PPP1R7: variants seen among roughly 807,000 people sequenced by gnomAD.
PPP1R7 encodes protein phosphatase 1 regulatory subunit 22.
In PPP1R7, 18 loss-of-function variants were observed where a neutral mutation model predicts 45.2. The ratio of observed to expected loss-of-function variants is 0.40; its 90% CI spans 0.28 to 0.59. The LOEUF (loss-of-function observed/expected upper bound fraction) is 0.59. Ranked by LOEUF, PPP1R7 falls within the 20% of genes least tolerant of loss-of-function variation. The probability of loss-of-function intolerance (pLI) is 0.46; values close to 1 mark genes in which losing one functional copy is unlikely to be tolerated. For synonymous variants in PPP1R7, 181 were observed against 183.4 expected (o/e 0.99, Z 0.11); for missense variants, 314 against 455.8 (o/e 0.69, Z 2.83).
chr2:241,181,024 C>T (rs931061824), intron 9 of PPP1R7, among the ~76,000 whole-genome samples: 1 of 152,136 alleles, frequency 6.6e-6, no homozygotes, highest in East Asian at 1.9e-4. Context: ...CGTGGTGAAA[C>T]CCCATCTCTA....
At chr2:241,149,909 C>G (rs550317021), upstream of PPP1R7, 3 of 1,434,172 alleles carry the variant, frequency 2.1e-6, no homozygotes, top group African/African-American at 4.3e-5. Flanking sequence ...CGCAAGTGCC[C>G]CGCACCTGCC....
intron 7 of PPP1R7, among the ~76,000 whole-genome samples, chr2:241,164,916 C>G (rs941084490): frequency 6.6e-6 from 1 of 151,824 alleles, no homozygotes; most frequent in Non-Finnish European, 1.5e-5. Context: ...GGCATGGTGG[C>G]GGGCGCCTGT....
intron 1 of PPP1R7, among the ~76,000 whole-genome samples, chr2:241,151,322 A>G (rs755558409): frequency 9.9e-5 from 15 of 152,194 alleles, no homozygotes; most frequent in Admixed American, 2.6e-4. Flanking sequence ...CAGACCTCCC[A>G]GAAGAGCAGT....
intron 2 of PPP1R7, among the ~76,000 whole-genome samples, chr2:241,155,951 G>A (rs908647201): frequency 2.0e-5 from 3 of 152,186 alleles, no homozygotes; most frequent in Non-Finnish European, 4.4e-5. Context: ...TACAGTTGTG[G>A]ATAAACTATA....
At chr2:241,162,514 C>T (rs949320293) in intron 6 of PPP1R7, among the ~76,000 whole-genome samples, 1 of 151,986 alleles carries the variant, frequency 6.6e-6, no homozygotes, top group East Asian at 1.9e-4. Flanking sequence ...GAGGAGCACA[C>T]GATCACAGCA....
intron 2 of PPP1R7, among the ~76,000 whole-genome samples, chr2:241,155,804 C>G (rs2067444186): frequency 6.6e-6 from 1 of 152,178 alleles, no homozygotes; most frequent in South Asian, 2.1e-4. Context: ...GGGCGCCCTG[C>G]CTTAATTGTA....
At position 241,167,066 on chromosome 2, in the gene PPP1R7, T is replaced by G. The variant is rs376399623; in HGVS notation, c.819+625T>G. 8.1e-6 allele frequency: 13 copies of G among 1,609,164 alleles called. No homozygotes were observed. In the African/African-American group the frequency reaches 1.3e-4, roughly 17 times the overall value. ...TCAGGTGCAGGACAGCCTCACGTACTGAGGGGAAGTGTGCTCACAGAGCCC... is the reference window on the plus strand; with the variant it reads ...TCAGGTGCAGGACAGCCTCACGTACGGAGGGGAAGTGTGCTCACAGAGCCC... On this transcript the variant is annotated intron_variant, in intron 8 of 9. Transcript: ENST00000234038.
chr2:241,151,670 T>TC (rs2067311699), intron 1 of PPP1R7: 2 of 426,520 alleles, frequency 4.7e-6, no homozygotes, highest in African/African-American at 2.0e-5. Context: ...ATCCTCCCAC[T>TC]CCCTCTTCAG....
chr2:241,157,274 G>A (rs1460227220), intron 2 of PPP1R7, among the ~76,000 whole-genome samples: 1 of 152,212 alleles, frequency 6.6e-6, no homozygotes, highest in African/African-American at 2.4e-5. Context: ...TTTGCAGAGG[G>A]AAGTGTTTGT....
At chr2:241,164,670 G>C (rs1037076454) in intron 7 of PPP1R7, among the ~76,000 whole-genome samples, 1 of 152,084 alleles carries the variant, frequency 6.6e-6, no homozygotes, top group African/African-American at 2.4e-5. Flanking sequence ...AGATCTAGGC[G>C]GTCAGATCGC....
chr2:241,176,608 C>T (rs1462310881), intron 9 of PPP1R7, among the ~76,000 whole-genome samples: 1 of 152,000 alleles, frequency 6.6e-6, no homozygotes, highest in Non-Finnish European at 1.5e-5. Flanking sequence ...CAGGTGGCTG[C>T]CACCACCATG....
chr2:241,176,013 G>T (rs2067901847), intron 9 of PPP1R7, among the ~76,000 whole-genome samples: 1 of 151,980 alleles, frequency 6.6e-6, no homozygotes, highest in Non-Finnish European at 1.5e-5. Flanking sequence ...CCTGACCTCA[G>T]GTAATCCGCC....
At chr2:241,150,351 C>T, upstream of PPP1R7, 1 of 1,342,268 alleles carries the variant, frequency 7.5e-7, no homozygotes, top group Non-Finnish European at 9.6e-7. Context: ...ACTACAACTC[C>T]CATGAGGCGC....
chr2:241,161,503 A>G (rs554349470), intron 6 of PPP1R7, among the ~76,000 whole-genome samples: 35 of 152,322 alleles, frequency 2.3e-4, no homozygotes, highest in African/African-American at 7.7e-4. Context: ...ATGCTGACAC[A>G]CTCCCAAAGG....
chr2:241,180,702 A>G (rs1471071506), intron 9 of PPP1R7, among the ~76,000 whole-genome samples: 2 of 142,260 alleles, frequency 1.4e-5, no homozygotes, highest in Non-Finnish European at 2.9e-5. Context: ...CGAGTGTAGT[A>G]ACAGAGTAGC....
chr2:241,160,242 T>A, intron 5 of PPP1R7, 90 bp from the exon 6 acceptor site: 1 of 1,038,524 alleles, frequency 9.6e-7, no homozygotes, highest in Non-Finnish European at 1.4e-6. Context: ...CGTCCCCTGA[T>A]GGGGACGCCA....
chr2:241,182,903 G>T lies in PPP1R7; in HGVS notation c.*80G>T. On this transcript the variant is annotated 3_prime_UTR_variant, in exon 10 of 10. Transcript: ENST00000234038. ...GGTTTTTAACCCACCTGTTGCTCCTGAGGTCGTCACTATATCAACAGTCAC... is the reference window on the plus strand; with the variant it reads ...GGTTTTTAACCCACCTGTTGCTCCTTAGGTCGTCACTATATCAACAGTCAC... 6.7e-7 allele frequency: 1 copy of T among 1,493,412 alleles called. No homozygotes were observed. Among genetic ancestry groups the T allele is most frequent in the South Asian group, 1.3e-5 (1 of 79,832 alleles). The allele number at this position is 1,493,412 out of a possible 1,614,324, so 92.5% of individuals were successfully genotyped here. A position where few individuals can be genotyped will look rare whatever the true frequency, so the allele number is the denominator to read the frequency against.
Position 241,183,530 on chromosome 2 carries a change from C to T in PPP1R7, c.*707C>T, listed in dbSNP as rs2149075930. On this transcript the variant is annotated 3_prime_UTR_variant, in exon 10 of 10. Transcript: ENST00000234038. ...CTGTGCTGCTGCCAGAATACGAGTC[C>T]CATTGAGCCTCTCCAAAGACGGCCT... 2 of 453,458 alleles carry T rather than the reference C, an allele frequency of 4.4e-6. No individual in the cohort carries two copies. Among genetic ancestry groups the T allele is most frequent in the Non-Finnish European group, 9.2e-6 (2 of 218,466 alleles). The allele number at this position is 453,458 out of a possible 1,614,324, so 28.1% of individuals were successfully genotyped here. A position where few individuals can be genotyped will look rare whatever the true frequency, so the allele number is the denominator to read the frequency against.
In PPP1R7 at chr2:241,162,292, C is replaced by T. The variant is rs1216360767; in HGVS notation, c.598-993C>T. ...AGCACACCATCTCCCCTCCTAGAGT[C>T]CCCACCTGGTTAGCATGCACCTTAT... On this transcript the variant is annotated intron_variant, in intron 6 of 9. Transcript: ENST00000234038. Among the ~76,000 whole-genome samples, 3 of 152,160 alleles carry T rather than the reference C, an allele frequency of 2.0e-5. No individual in the cohort carries two copies. In the East Asian group the frequency reaches 5.8e-4, roughly 29 times the overall value.
Sources: allele counts gnomAD v4.1 joint callset (sites outside exome capture counted in the v4.1 genomes callset), GRCh38; gene constraint gnomAD v4.1.1; transcripts MANE v1.5; gene names NCBI Gene and HGNC (gene_info 2026-07-23, HGNC 2026-07-21).